PIWIL3: variants seen among roughly 807,000 people sequenced by gnomAD.
PIWIL3 encodes the protein piwi like RNA-mediated gene silencing 3, also known as piwi-like protein 3.
In PIWIL3, 101 loss-of-function variants were observed where a neutral mutation model predicts 109.7. The observed-to-expected ratio is 0.92, with a 90% CI of 0.78 to 1.09. PIWIL3 has a LOEUF of 1.09. PIWIL3 is among the 50% of genes least tolerant of loss of function. PIWIL3 has a pLI of 0.00. For missense variants in PIWIL3, 1,031 were observed against 1,072.6 expected, an observed-to-expected ratio of 0.96 and a Z score of 0.54; for synonymous variants, 373 against 376.4, an observed-to-expected ratio of 0.99 and a Z score of 0.10.
At chr22:24,754,990 TTAA>T (rs1569108088) in intron 6 of PIWIL3, 126 bp from the exon 7 acceptor site, 3 of 705,542 alleles carry the variant, frequency 4.3e-6, no homozygotes, top group Non-Finnish European at 7.3e-6. Flanking sequence ...AAAGTACTTG[TTAA>T]CTAAGTTACA....
At chr22:24,742,151 C>CAAAAA (rs61071998) in intron 12 of PIWIL3, among the ~76,000 whole-genome samples, 1,771 of 94,406 alleles carry the variant, frequency 0.019, 26 homozygotes, top group Non-Finnish European at 0.023. Context: ...ACAATAGCTG[C>CAAAAA]AAAAAAAAAA....
chr22:24,749,783 G>C lies in PIWIL3; in HGVS notation c.1126C>G (p.Leu376Val), dbSNP rs772200821. The C allele has an allele frequency of 1.2e-6, 2 of 1,613,860 alleles. No individual in the cohort carries two copies. The highest frequency in any genetic ancestry group is 1.3e-5 in the African/African-American group (1 of 74,844). The change falls in exon 10 of 21, where the codon CTT (leucine) becomes GTT (valine). Residue 376 changes from leucine (L) to valine (V), a missense_variant. Coordinates refer to ENST00000616349, the MANE Select transcript of PIWIL3 (RefSeq NM_001255975.1). ...TTCCATCTGCCCTGGCTGACCAAAA[G>C]TGGCTGTTTCTTCACTGTGACAATT... ...KEIVTVKKQPLLVSQGRWKKG... is the reference protein window; with the variant it reads ...KEIVTVKKQPVLVSQGRWKKG...
At chr22:24,750,324 A>G (rs1924626125) in intron 9 of PIWIL3, among the ~76,000 whole-genome samples, 1 of 152,184 alleles carries the variant, frequency 6.6e-6, no homozygotes. Flanking sequence ...GCTTCTTCAC[A>G]GTGAACACTC....
chr22:24,761,037 G>C (rs191141655), intron 2 of PIWIL3, among the ~76,000 whole-genome samples: 411 of 152,212 alleles, frequency 2.7e-3, no homozygotes, highest in Non-Finnish European at 3.4e-3. Context: ...CAGACTTTTG[G>C]CCTGAGCAAA....
chr22:24,734,148 ACTT>A lies in PIWIL3; in HGVS notation c.1640_1642del (p.Glu547del). On this transcript the variant is annotated inframe_deletion, in exon 14 of 21. Coordinates refer to ENST00000616349, the MANE Select transcript of PIWIL3 (RefSeq NM_001255975.1). The stretch of plus-strand genomic sequence containing the variant: ...TATATAGGAGTTAGCATCACCATCT[ACTT>A]CAATCCTAAAAAATAAATATAGCAT... 6.2e-7 allele frequency: 1 copy of A among 1,611,646 alleles called. No homozygotes were observed.
At chr22:24,765,685 C>T (rs1012584349) in intron 1 of PIWIL3, among the ~76,000 whole-genome samples, 3 of 151,352 alleles carry the variant, frequency 2.0e-5, no homozygotes, top group Admixed American at 2.0e-4. Context: ...TTTAAGATAC[C>T]CATCTTTTTC....
chr22:24,755,295 G>A (rs577292954), intron 6 of PIWIL3, among the ~76,000 whole-genome samples: 1 of 152,028 alleles, frequency 6.6e-6, no homozygotes, highest in Non-Finnish European at 1.5e-5. Flanking sequence ...GCTAATTTTT[G>A]TATTTTTAGT....
At chr22:24,757,637 C>CACACACATAT (rs371066474) in intron 4 of PIWIL3, among the ~76,000 whole-genome samples, 4 of 122,818 alleles carry the variant, frequency 3.3e-5, no homozygotes, top group East Asian at 2.7e-4. Flanking sequence ...CACACACACA[C>CACACACATAT]ATATATAAAA....
chr22:24,737,153 C>G (rs1353429658), intron 12 of PIWIL3, among the ~76,000 whole-genome samples: 1 of 152,218 alleles, frequency 6.6e-6, no homozygotes, highest in Non-Finnish European at 1.5e-5. Flanking sequence ...AACTCAATGG[C>G]AGCACAGCTC....
At position 24,719,463 on chromosome 22, in the gene PIWIL3, T is replaced by C; in HGVS notation, c.*9A>G. 2.6e-6 allele frequency: 4 copies of C among 1,550,298 alleles called. No individual in the cohort carries two copies. Among genetic ancestry groups the C allele is most frequent in the Non-Finnish European group, 2.6e-6 (3 of 1,149,278 alleles). On this transcript the variant is annotated 3_prime_UTR_variant, in exon 21 of 21. Transcript: ENST00000616349. Reference sequence around the variant, plus strand: ...GGTTTCATTAGCACATCAGGTCTTCTTCTGCAGGTCAAAGGTAAAAGAGAC... The same window carrying C: ...GGTTTCATTAGCACATCAGGTCTTCCTCTGCAGGTCAAAGGTAAAAGAGAC...
At chr22:24,756,757 A>G (rs780769447) in intron 4 of PIWIL3, 52 bp from the exon 5 acceptor site, 2 of 1,471,176 alleles carry the variant, frequency 1.4e-6, no homozygotes. Flanking sequence ...TGGGCCCAAA[A>G]CAAACAGTTT....
At chr22:24,757,584 C>T (rs1200835093) in intron 4 of PIWIL3, among the ~76,000 whole-genome samples, 1 of 73,620 alleles carries the variant, frequency 1.4e-5, no homozygotes, top group East Asian at 5.6e-4. Flanking sequence ...CAGTTCTAGA[C>T]CAGCAAGACC....
At chr22:24,750,522 C>T (rs956337690) in intron 9 of PIWIL3, among the ~76,000 whole-genome samples, 8 of 131,284 alleles carry the variant, frequency 6.1e-5, no homozygotes, top group Non-Finnish European at 1.3e-4. Flanking sequence ...GAGTTTCACT[C>T]CTGTTGCCCA....
intron 3 of PIWIL3, 97 bp downstream of exon 3, chr22:24,759,772 C>T (rs923800506): frequency 5.8e-6 from 9 of 1,546,498 alleles, no homozygotes; most frequent in South Asian, 3.6e-5. Flanking sequence ...CCAAACCTCA[C>T]GGGAGTCCTG....
rs200761736 is a variant in PIWIL3 at position 24,728,004 on chromosome 22, T to C, written c.1955A>G (p.Asn652Ser). The part of the protein sequence containing the change: ...VGIDCFHDIV[N>S]RQKSIAGFVA... ...AAATCCTGCTATTGATTTCTGTCGA[T>C]TTACGATATCGTGGAAACAATCAAT... is the stretch of plus-strand genomic sequence containing the variant. The change falls in exon 16 of 21, where the codon AAT becomes AGT. Residue 652 changes from asparagine to serine, a missense_variant. Transcript: ENST00000616349. The C allele has an allele frequency of 6.2e-6, 10 of 1,613,936 alleles. No individual in the cohort carries two copies. Among genetic ancestry groups the C allele is most frequent in the South Asian group, 1.1e-5 (1 of 91,080 alleles).
chr22:24,728,322 C>A lies in PIWIL3; in HGVS notation c.1760G>T (p.Arg587Ile), dbSNP rs779638189. ...DDKRRYDSIK[R>I]YLCTKCPIPS... ...AATTGGGCATTTGGTACATAGGTAT[C>A]TTTTTATGCTGTCATATCTACGTTT... Residue 587 changes from arginine to isoleucine, a missense_variant, in exon 15 of 21, where the codon AGA becomes ATA. Transcript: ENST00000616349. 5.0e-6 allele frequency: 8 copies of A among 1,613,998 alleles called. No homozygotes were observed. The highest frequency in any genetic ancestry group is 4.0e-5 in the African/African-American group (3 of 74,900).
chr22:24,759,842 C>T (rs892826679), intron 3 of PIWIL3, 27 bp downstream of exon 3: 9 of 1,613,698 alleles, frequency 5.6e-6, no homozygotes, highest in African/African-American at 1.3e-5. Context: ...ATCCCCTGCC[C>T]CTCATGTCCT....
chr22:24,756,782 T>C, intron 4 of PIWIL3, 77 bp from the exon 5 acceptor site: 1 of 1,313,662 alleles, frequency 7.6e-7, no homozygotes, highest in Non-Finnish European at 1.1e-6. Context: ...ACTACAATAT[T>C]AAAAGCCAAA....
At chr22:24,727,349 G>GT (rs1411054504) in intron 16 of PIWIL3, among the ~76,000 whole-genome samples, 2 of 152,174 alleles carry the variant, frequency 1.3e-5, no homozygotes, top group African/African-American at 2.4e-5. Context: ...AAGCAGGGAT[G>GT]TTTTTTCTGG....
Sources: allele counts gnomAD v4.1 joint callset (sites outside exome capture counted in the v4.1 genomes callset), GRCh38; gene constraint gnomAD v4.1.1; transcripts MANE v1.5; gene names NCBI Gene and HGNC (gene_info 2026-07-23, HGNC 2026-07-21).